The following SLC25A18 variants were observed in gnomAD, a reference collection of about 807,000 sequenced individuals.
SLC25A18 encodes the protein mitochondrial glutamate carrier 2.
SLC25A18 carries 24 observed loss-of-function variants against 31.1 expected under a neutral mutation model. The ratio of observed to expected loss-of-function variants is 0.77; its 90% CI spans 0.56 to 1.08. The LOEUF is 1.08. SLC25A18 is among the 50% of genes least tolerant of loss of function. The probability of loss-of-function intolerance (pLI) is 0.00; values close to 1 mark genes in which losing one functional copy is unlikely to be tolerated. For missense variants in SLC25A18, 371 were observed against 418.5 expected (o/e 0.89, Z 0.99); for synonymous variants, 173 against 161.9 (o/e 1.07, Z -0.52).
chr22:17,573,538 C>T (rs2057152587), intron 2 of SLC25A18, among the ~76,000 whole-genome samples: 2 of 152,206 alleles, frequency 1.3e-5, no homozygotes, highest in Non-Finnish European at 1.5e-5. Context: ...AGGCCAGCCA[C>T]GGCAGCATGG....
chr22:17,567,231 G>A (rs572115633), intron 1 of SLC25A18, among the ~76,000 whole-genome samples: 5 of 152,312 alleles, frequency 3.3e-5, no homozygotes, highest in African/African-American at 9.6e-5. Context: ...TGTACTAAGT[G>A]CACTACATCT....
At chr22:17,564,784 G>C (rs899055935) in intron 1 of SLC25A18, among the ~76,000 whole-genome samples, 3 of 146,072 alleles carry the variant, frequency 2.1e-5, no homozygotes, top group African/African-American at 5.1e-5. Context: ...TTGAACCTGG[G>C]AGATGGACGT....
chr22:17,570,634 G>A (rs1333947205), intron 2 of SLC25A18, among the ~76,000 whole-genome samples: 1 of 152,198 alleles, frequency 6.6e-6, no homozygotes, highest in East Asian at 1.9e-4. Context: ...ACAGGTGCAT[G>A]CCACTATGCC....
Position 17,581,462 on chromosome 22 carries a change from T to C in SLC25A18, c.199+49T>C, listed in dbSNP as rs760152473. On this transcript the variant is annotated intron_variant, in intron 5 of 10. Transcript: ENST00000327451. ...AGGCTGGGCAGCAGGTGTGAGCGTA[T>C]GGGACATGGGGAACTGGTGTTCCTT... 10 of 1,600,658 alleles carry C rather than the reference T, an allele frequency of 6.2e-6. No homozygotes were observed. The Admixed American group carries it at 1.3e-4, about 21-fold the overall frequency.
At chr22:17,574,673 C>T (rs371113613) in intron 2 of SLC25A18, among the ~76,000 whole-genome samples, 4 of 150,372 alleles carry the variant, frequency 2.7e-5, no homozygotes, top group Non-Finnish European at 2.9e-5. Context: ...CGTGCCATCA[C>T]GTCTCGCCTG....
chr22:17,566,086 T>C (rs1369979401), intron 1 of SLC25A18, among the ~76,000 whole-genome samples: 1 of 152,122 alleles, frequency 6.6e-6, no homozygotes, highest in Admixed American at 6.5e-5. Context: ...ATTCTCTACA[T>C]CCGCACCAAT....
At chr22:17,575,614 T>A (rs1193153728) in intron 2 of SLC25A18, among the ~76,000 whole-genome samples, 1 of 152,154 alleles carries the variant, frequency 6.6e-6, no homozygotes, top group African/African-American at 2.4e-5. Flanking sequence ...CAGGTCTCCA[T>A]CCTTACACAG....
intron 1 of SLC25A18, among the ~76,000 whole-genome samples, chr22:17,568,553 ATC>A (rs2056999457): frequency 1.9e-5 from 2 of 104,866 alleles, no homozygotes; most frequent in African/African-American, 7.3e-5. Flanking sequence ...TATAAAGTAC[ATC>A]TTTTTTTTTT....
At position 17,579,838 on chromosome 22, in the gene SLC25A18, C is replaced by G; in HGVS notation, c.-107C>G. ...AACCCGTGCTCTGTCCACACTGCTACGGGGCCAGAGCCAAGGAAGCTTCCA... is the reference window on the plus strand; with the variant it reads ...AACCCGTGCTCTGTCCACACTGCTAGGGGGCCAGAGCCAAGGAAGCTTCCA... On this transcript the variant is annotated 5_prime_UTR_variant, in exon 3 of 11. Coordinates refer to ENST00000327451, the MANE Select transcript of SLC25A18 (RefSeq NM_031481.3). 1.3e-6 allele frequency: 2 copies of G among 1,514,854 alleles called. No homozygotes were observed. The highest frequency in any genetic ancestry group is 1.8e-6 in the Non-Finnish European group (2 of 1,127,026). 93.8% of individuals were successfully genotyped at this position (1,514,854 alleles called of 1,614,324 possible). A position where few individuals can be genotyped will look rare whatever the true frequency, so the allele number is the denominator to read the frequency against.
chr22:17,569,858 GA>G, intron 1 of SLC25A18, 65 bp from the exon 2 acceptor site: 1 of 985,568 alleles, frequency 1.0e-6, no homozygotes, highest in Non-Finnish European at 1.2e-6. Flanking sequence ...CAGAGGGAGG[GA>G]AACTGACCAC....
chr22:17,565,609 T>G (rs1435372515), intron 1 of SLC25A18, among the ~76,000 whole-genome samples: 1 of 151,046 alleles, frequency 6.6e-6, no homozygotes, highest in Non-Finnish European at 1.5e-5. Context: ...GGCTCACGCC[T>G]GTAATACCAG....
At chr22:17,582,502 G>C in intron 5 of SLC25A18, 61 bp from the exon 6 acceptor site, 1 of 1,440,018 alleles carries the variant, frequency 6.9e-7, no homozygotes, top group Non-Finnish European at 9.5e-7. Context: ...CTGAAGGGCA[G>C]ACCTGGGGCA....
chr22:17,583,935 C>T (rs1601328357), intron 7 of SLC25A18: 2 of 446,938 alleles, frequency 4.5e-6, no homozygotes, highest in African/African-American at 2.1e-5. Flanking sequence ...CAGAGTGAGA[C>T]TCTGTCTCAA....
rs771819677 is a variant in SLC25A18 at position 17,582,667 on chromosome 22, G to A, written c.290+14G>A. On this transcript the variant is annotated intron_variant, in intron 6 of 10. Transcript: ENST00000327451. The stretch of plus-strand genomic sequence containing the variant: ...CATGGAAGATGGGTATGGCCAGGTG[G>A]GGTGGGGTTGGATCCTTCACTGTGT... The A allele has an allele frequency of 6.3e-7, 1 of 1,588,552 alleles. No homozygotes were observed. Among genetic ancestry groups the A allele is most frequent in the Non-Finnish European group, 8.6e-7 (1 of 1,165,806 alleles).
intron 1 of SLC25A18, among the ~76,000 whole-genome samples, chr22:17,568,986 G>A (rs1029199274): frequency 1.3e-5 from 2 of 151,666 alleles, no homozygotes; most frequent in African/African-American, 4.8e-5. Flanking sequence ...GGGGAGGAAA[G>A]TCTTTTAAGA....
intron 3 of SLC25A18, 120 bp from the exon 4 acceptor site, chr22:17,580,917 G>A (rs2057354110): frequency 9.0e-6 from 13 of 1,447,324 alleles, no homozygotes; most frequent in African/African-American, 1.4e-5. Flanking sequence ...GAGGGTCTCT[G>A]GACACCTGTG....
intron 1 of SLC25A18, among the ~76,000 whole-genome samples, chr22:17,567,921 C>T (rs962637092): frequency 5.9e-5 from 9 of 151,984 alleles, no homozygotes; most frequent in Non-Finnish European, 1.2e-4. Context: ...AGTTTTGTCA[C>T]GAGAGTATAC....
chr22:17,589,749 T>G, intron 10 of SLC25A18, 84 bp downstream of exon 10: 1 of 1,287,726 alleles, frequency 7.8e-7, no homozygotes, highest in Non-Finnish European at 1.1e-6. Flanking sequence ...AGAGACCAAC[T>G]TGAATTGCTG....
intron 2 of SLC25A18, among the ~76,000 whole-genome samples, chr22:17,579,091 GTTTGTTTGTTT>G: frequency 6.7e-6 from 1 of 150,276 alleles, no homozygotes; most frequent in African/African-American, 2.5e-5. Flanking sequence ...TTGTTTGTTT[GTTTGTTTGTTT>G]GTTTTTGAGA....
Sources: gnomAD v4.1 joint callset for allele counts (sites outside exome capture counted in the v4.1 genomes callset) on GRCh38, gnomAD v4.1.1 for gene constraint, MANE v1.5 for transcripts, NCBI Gene and HGNC (gene_info 2026-07-23, HGNC 2026-07-21) for gene names.